Variants in ADGRE3 observed in about 807,000 individuals in gnomAD.
ADGRE3 encodes adhesion G protein-coupled receptor E3.
ADGRE3 carries 88 observed loss-of-function variants against 80.1 expected under a neutral mutation model. The ratio of observed to expected loss-of-function variants is 1.10; its 90% CI spans 0.93 to 1.31. The LOEUF is 1.31. ADGRE3 is among the 40% of genes most tolerant of loss of function. ADGRE3 has a pLI of 0.00. For missense variants in ADGRE3, 715 were observed against 776.5 expected (o/e 0.92, Z 0.94); for synonymous variants, 281 against 294.8 (o/e 0.95, Z 0.48).
intron 1 of ADGRE3, among the ~76,000 whole-genome samples, chr19:14,669,861 T>G (rs1972204639): frequency 6.6e-6 from 1 of 152,034 alleles, no homozygotes; most frequent in African/African-American, 2.4e-5. Flanking sequence ...AGTTCTATCT[T>G]TAGTTCTTTA....
chr19:14,610,367 T>C, the ADGRE3 span: 21 of 885,026 alleles, frequency 2.4e-5, no homozygotes, highest in Non-Finnish European at 3.5e-5. Flanking sequence ...AGGCTGTTTC[T>C]AGAGTGAGGA....
intron 1 of ADGRE3, 50 bp from the exon 2 acceptor site, chr19:14,668,902 G>A (rs919545240): frequency 1.3e-6 from 2 of 1,558,426 alleles, no homozygotes; most frequent in Non-Finnish European, 1.8e-6. Context: ...ATTGAGGAGA[G>A]ATTCCAAGAA....
intron 6 of ADGRE3, among the ~76,000 whole-genome samples, chr19:14,654,137 A>G (rs1971682593): frequency 6.6e-6 from 1 of 151,658 alleles, no homozygotes; most frequent in Non-Finnish European, 1.5e-5. Flanking sequence ...ATTTTTAGTA[A>G]AGATTAAGTT....
chr19:14,624,185 C>T (rs1053737287), intron 15 of ADGRE3, among the ~76,000 whole-genome samples: 1 of 151,944 alleles, frequency 6.6e-6, no homozygotes, highest in African/African-American at 2.4e-5. Flanking sequence ...ACCTCTGCTG[C>T]CCGGATTCAA....
In ADGRE3 at chr19:14,620,564, ATATATTTTTTTTTTTTTTTTT is replaced by A. The variant is rs1970568563; in HGVS notation, c.1921-1114_1921-1094del. ...ATATATATATTATATATATATATAT[ATATATTTTTTTTTTTTTTTTT>A]TTTTTTTTTTTTGAGACAGGGTTTT... On this transcript the variant is annotated intron_variant, in intron 15 of 15. Transcript: ENST00000253673. Among the ~76,000 whole-genome samples, 102 of 34,340 alleles carry A rather than the reference ATATATTTTTTTTTTTTTTTTT, an allele frequency of 3.0e-3. 7 individuals carry two copies. Among genetic ancestry groups the A allele is most frequent in the Admixed American group, 8.2e-3 (15 of 1,820 alleles). The allele number at this position is 34,340 out of a possible 152,430, so 22.5% of individuals were successfully genotyped here.
chr19:14,638,257 G>A lies in ADGRE3; in HGVS notation c.1332C>T (p.Leu444=), dbSNP rs752859625. 6.2e-7 allele frequency: 1 copy of A among 1,614,176 alleles called. No individual in the cohort carries two copies. Among genetic ancestry groups the A allele is most frequent in the Non-Finnish European group, 8.5e-7 (1 of 1,180,018 alleles). The change falls in exon 11 of 16, where the codon CTC becomes CTT. Residue 444 remains leucine, a synonymous_variant. Transcript: ENST00000253673. Reference sequence around the variant, plus strand: ...CTGTCAGGTTCCGTGCAGTGAGGAAGAGGTGCACACCCTCCAGCAGCATCC... The same window carrying A: ...CTGTCAGGTTCCGTGCAGTGAGGAAAAGGTGCACACCCTCCAGCAGCATCC... ...FTWMLLEGVH[L]FLTARNLTVV... is the part of the protein sequence containing the mutation.
intron 7 of ADGRE3, among the ~76,000 whole-genome samples, chr19:14,650,635 C>T (rs1398491944): frequency 2.9e-4 from 3 of 10,238 alleles, no homozygotes; most frequent in African/African-American, 5.3e-4. Flanking sequence ...CTCCATCTCT[C>T]TCTCTCTCTC....
At chr19:14,656,132 G>A (rs2146879933) in intron 5 of ADGRE3, among the ~76,000 whole-genome samples, 1 of 152,086 alleles carries the variant, frequency 6.6e-6, no homozygotes, top group South Asian at 2.1e-4. Flanking sequence ...GATCATCTGA[G>A]GTCAGGAGTT....
At chr19:14,609,299 G>C in the ADGRE3 span, among the ~76,000 whole-genome samples, 2 of 152,078 alleles carry the variant, frequency 1.3e-5, no homozygotes, top group Non-Finnish European at 2.9e-5. Flanking sequence ...TCTCTGTTGG[G>C]GTCAGGCTGA....
chr19:14,623,571 C>T (rs536617516), intron 15 of ADGRE3, among the ~76,000 whole-genome samples: 1 of 152,166 alleles, frequency 6.6e-6, no homozygotes, highest in East Asian at 1.9e-4. Flanking sequence ...CTATGTCCTC[C>T]CCCAGAAAGG....
chr19:14,666,749 C>T (rs1486261946), intron 2 of ADGRE3, among the ~76,000 whole-genome samples: 1 of 152,184 alleles, frequency 6.6e-6, no homozygotes, highest in African/African-American at 2.4e-5. Context: ...TAAGTATGCA[C>T]AATTCTCCTG....
At chr19:14,656,430 C>A (rs1375759029) in intron 5 of ADGRE3, among the ~76,000 whole-genome samples, 1 of 151,254 alleles carries the variant, frequency 6.6e-6, no homozygotes, top group Admixed American at 6.6e-5. Flanking sequence ...GAGGGATGCC[C>A]GAAAGAAAGC....
chr19:14,663,617 T>C (rs1014462774), intron 2 of ADGRE3, 77 bp from the exon 3 acceptor site: 6 of 1,490,036 alleles, frequency 4.0e-6, no homozygotes, highest in Admixed American at 3.6e-5. Context: ...TGCCTCTTGA[T>C]CACCTGAGGT....
At chr19:14,617,458 C>A (rs150110558), downstream of ADGRE3, among the ~76,000 whole-genome samples, 436 of 150,316 alleles carry the variant, frequency 2.9e-3, 8 homozygotes, top group East Asian at 4.7e-3. Context: ...AGTGCAATGG[C>A]ATGATATTGA....
downstream of ADGRE3, among the ~76,000 whole-genome samples, chr19:14,614,436 A>T (rs1285165864): frequency 6.6e-6 from 1 of 152,144 alleles, no homozygotes; most frequent in South Asian, 2.1e-4. Flanking sequence ...ACTTTTTACC[A>T]CTTTAGGTCC....
intron 10 of ADGRE3, 42 bp downstream of exon 10, chr19:14,641,377 A>G: frequency 1.9e-6 from 3 of 1,610,742 alleles, no homozygotes; most frequent in Non-Finnish European, 2.5e-6. Context: ...AGCTCAGTGT[A>G]CCTTGGGGCA....
At chr19:14,632,876 TG>T (rs1308057985) in intron 13 of ADGRE3, 44 bp downstream of exon 13, 25 of 1,316,086 alleles carry the variant, frequency 1.9e-5, no homozygotes, top group Middle Eastern at 1.8e-4. Flanking sequence ...TAGGAAGGAC[TG>T]GCAGAAGGAA....
chr19:14,620,548 T>TAATATATATATATATATTA, intron 15 of ADGRE3, among the ~76,000 whole-genome samples: 2 of 24,976 alleles, frequency 8.0e-5, no homozygotes, highest in African/African-American at 4.3e-4. Flanking sequence ...TATATATATA[T>TAATATATATATATATATTA]TATATATATA....
At chr19:14,655,360 A>C (rs1456057882) in intron 5 of ADGRE3, among the ~76,000 whole-genome samples, 195 bp from the exon 6 acceptor site, 1 of 152,178 alleles carries the variant, frequency 6.6e-6, no homozygotes, top group East Asian at 1.9e-4. Flanking sequence ...CGACAGGAAA[A>C]GGAACTCAAA....
Sources: gnomAD v4.1 joint callset for allele counts (sites outside exome capture counted in the v4.1 genomes callset) on GRCh38, gnomAD v4.1.1 for gene constraint, MANE v1.5 for transcripts, NCBI Gene and HGNC (gene_info 2026-07-23, HGNC 2026-07-21) for gene names.